The following RTN1 variants were observed in gnomAD, a reference collection of about 807,000 sequenced individuals.
The protein encoded by RTN1 is reticulon-1.
A neutral mutation model predicts 65.5 loss-of-function variants in RTN1; 25 were observed. The ratio of observed to expected loss-of-function variants is 0.38; its 90% CI spans 0.28 to 0.53. RTN1 has a LOEUF of 0.53. Among genes scored for constraint, RTN1 ranks in the 20% least tolerant of loss-of-function variants. The pLI is 0.79. For missense variants in RTN1, 983 were observed against 1,025.4 expected, an observed-to-expected ratio of 0.96 and a Z score of 0.57; for synonymous variants, 471 against 447.6, an observed-to-expected ratio of 1.05 and a Z score of -0.66.
At position 59,714,160 on chromosome 14, in the gene RTN1, A is replaced by C. The variant is rs1594694640; in HGVS notation, c.1765+12759T>G. 1.3e-5 allele frequency among the ~76,000 whole-genome samples: 2 copies of C among 151,996 alleles called. 1 individual carries two copies. The highest frequency in any genetic ancestry group is 3.9e-4 in the East Asian group (2 of 5,138). On this transcript the variant is annotated intron_variant, in intron 3 of 8. Transcript: ENST00000267484. ...TGAGGCAGGAGAATTGCTTGAACCC[A>C]GGAGGCAGAAGTTGCAGTTAGCCGA...
chr14:59,741,669 C>T (rs1277432933), intron 2 of RTN1, among the ~76,000 whole-genome samples: 2 of 152,202 alleles, frequency 1.3e-5, no homozygotes, highest in African/African-American at 4.8e-5. Context: ...AAACTCCTTC[C>T]CCACGATCTC....
chr14:59,709,462 T>C (rs2139456033), intron 3 of RTN1, among the ~76,000 whole-genome samples: 1 of 152,370 alleles, frequency 6.6e-6, no homozygotes, highest in South Asian at 2.1e-4. Context: ...ATTTTATGGA[T>C]GACAGTTCTT....
At chr14:59,697,543 G>A (rs1884088047) in intron 3 of RTN1, among the ~76,000 whole-genome samples, 1 of 152,080 alleles carries the variant, frequency 6.6e-6, no homozygotes, top group Admixed American at 6.6e-5. Context: ...TAATGCAACA[G>A]GGATAGTAAA....
intron 1 of RTN1, among the ~76,000 whole-genome samples, chr14:59,837,500 T>G (rs539754284): frequency 6.6e-6 from 1 of 151,926 alleles, no homozygotes; most frequent in Non-Finnish European, 1.5e-5. Context: ...ATTAAAAACA[T>G]CAAATAACAA....
At position 59,749,300 on chromosome 14, in the gene RTN1, ATATATATCTATATATATATC is replaced by A. The variant is rs1566711418; in HGVS notation, c.242-2839_242-2820del. On this transcript the variant is annotated intron_variant, in intron 1 of 8. Transcript: ENST00000267484. ...TATCTATATATATCTATATATATCT[ATATATATCTATATATATATC>A]TATATATCTATATATATCTATATAT... Among the ~76,000 whole-genome samples, 427 of 62,016 alleles carry A rather than the reference ATATATATCTATATATATATC, an allele frequency of 6.9e-3. 38 individuals carry two copies. The highest frequency in any genetic ancestry group is 0.017 in the Middle Eastern group (1 of 60). The allele number at this position is 62,016 out of a possible 152,430, so 40.7% of individuals were successfully genotyped here. A position where few individuals can be genotyped will look rare whatever the true frequency, so the allele number is the denominator to read the frequency against.
chr14:59,619,543 T>C (rs1415907797), intron 3 of RTN1, among the ~76,000 whole-genome samples: 1 of 152,184 alleles, frequency 6.6e-6, no homozygotes, highest in Non-Finnish European at 1.5e-5. Flanking sequence ...AGTGCAGGGC[T>C]AAAATTTAGT....
intron 1 of RTN1, among the ~76,000 whole-genome samples, chr14:59,818,922 G>A (rs1472311955): frequency 6.6e-6 from 1 of 152,240 alleles, no homozygotes; most frequent in Non-Finnish European, 1.5e-5. Context: ...CAACAATGAA[G>A]ACGCGGACCT....
chr14:59,722,857 G>A (rs1391044214), intron 3 of RTN1, among the ~76,000 whole-genome samples: 1 of 151,282 alleles, frequency 6.6e-6, no homozygotes, highest in Non-Finnish European at 1.5e-5. Context: ...GAGTGCAGTG[G>A]TGTGATCAAA....
intron 1 of RTN1, among the ~76,000 whole-genome samples, chr14:59,748,766 A>G: frequency 6.6e-6 from 1 of 152,008 alleles, no homozygotes; most frequent in Non-Finnish European, 1.5e-5. Flanking sequence ...TACTCAATAC[A>G]TATTTGCAAA....
chr14:59,651,315 G>A (rs1395913123), intron 3 of RTN1, among the ~76,000 whole-genome samples: 2 of 152,104 alleles, frequency 1.3e-5, no homozygotes. Flanking sequence ...AAATAGTGCT[G>A]GAATAACTGG....
At chr14:59,795,099 AT>A (rs1886416310) in intron 1 of RTN1, among the ~76,000 whole-genome samples, 1 of 152,208 alleles carries the variant, frequency 6.6e-6, no homozygotes, top group Non-Finnish European at 1.5e-5. Flanking sequence ...CATGAAAATA[AT>A]TCCACATTGT....
intron 1 of RTN1, among the ~76,000 whole-genome samples, chr14:59,807,185 G>A (rs981442277): frequency 1.6e-4 from 25 of 152,176 alleles, no homozygotes; most frequent in African/African-American, 6.0e-4. Context: ...AGCATGGTGG[G>A]TGGTGACAGT....
intron 3 of RTN1, among the ~76,000 whole-genome samples, chr14:59,650,481 A>G (rs1439321363): frequency 6.6e-6 from 1 of 152,234 alleles, no homozygotes; most frequent in African/African-American, 2.4e-5. Context: ...TTGTTTGCAA[A>G]TGACATGATT....
At chr14:59,620,580 CTGTT>C (rs1882228265) in intron 3 of RTN1, among the ~76,000 whole-genome samples, 1 of 151,990 alleles carries the variant, frequency 6.6e-6, no homozygotes, top group South Asian at 2.1e-4. Context: ...CGAATTTTAC[CTGTT>C]TCTTCTTACT....
intron 1 of RTN1, among the ~76,000 whole-genome samples, chr14:59,763,856 C>T (rs950762599): frequency 3.3e-5 from 5 of 152,116 alleles, no homozygotes; most frequent in Non-Finnish European, 5.9e-5. Context: ...TTTTAATCAA[C>T]TGTACATTCT....
At position 59,846,372 on chromosome 14, in the gene RTN1, T is replaced by C. The variant is rs1037111810; in HGVS notation, c.241+24018A>G. 6.6e-6 allele frequency among the ~76,000 whole-genome samples: 1 copy of C among 152,130 alleles called. No homozygotes were observed. The highest frequency in any genetic ancestry group is 6.5e-5 in the Admixed American group (1 of 15,276). On this transcript the variant is annotated intron_variant, in intron 1 of 8. Coordinates refer to ENST00000267484, the MANE Select transcript of RTN1 (RefSeq NM_021136.3). This position sits in a 1 kb window ranked among gnomAD's most constrained non-coding sequence, Gnocchi z 4.8. Reference sequence around the variant, plus strand: ...CACTCTTCTCATCCCAGCACCCATATCTGTGCAGCCACAGCCCATGGATCA... The same window carrying C: ...CACTCTTCTCATCCCAGCACCCATACCTGTGCAGCCACAGCCCATGGATCA...
intron 1 of RTN1, among the ~76,000 whole-genome samples, chr14:59,863,850 A>C (rs1887752661): frequency 6.6e-6 from 1 of 152,170 alleles, no homozygotes; most frequent in African/African-American, 2.4e-5. Flanking sequence ...TCAGGCCAAA[A>C]ATCATGGCAT....
chr14:59,707,048 T>C (rs1267868924), intron 3 of RTN1, among the ~76,000 whole-genome samples: 1 of 152,224 alleles, frequency 6.6e-6, no homozygotes, highest in Non-Finnish European at 1.5e-5. Context: ...TCTAACCATG[T>C]GCTGAACTGA....
intron 3 of RTN1, 28 bp downstream of exon 3, chr14:59,726,891 C>G (rs949907750): frequency 1.3e-6 from 2 of 1,585,026 alleles, no homozygotes; most frequent in Admixed American, 3.5e-5. Flanking sequence ...AGGACACTAA[C>G]CAAGCATCCC....
Sources: allele counts gnomAD v4.1 joint callset (sites outside exome capture counted in the v4.1 genomes callset), GRCh38; gene constraint gnomAD v4.1.1; non-coding constraint Gnocchi (gnomAD v3.1); transcripts MANE v1.5; gene names NCBI Gene and HGNC (gene_info 2026-07-23, HGNC 2026-07-21).